The following SLC11A2 variants were observed in gnomAD, a reference collection of about 807,000 sequenced individuals.
SLC11A2 encodes the protein natural resistance-associated macrophage protein 2.
Under a neutral mutation model 68.0 loss-of-function variants are expected in SLC11A2, and 38 were observed. The observed-to-expected ratio is 0.56, with a 90% CI of 0.43 to 0.73. SLC11A2 has a LOEUF of 0.73. SLC11A2 is among the 30% of genes least tolerant of loss of function. The probability of loss-of-function intolerance (pLI) is 0.00; values close to 1 mark genes in which losing one functional copy is unlikely to be tolerated. For synonymous variants in SLC11A2, 242 were observed against 250.6 expected (o/e 0.97, Z 0.32); for missense variants, 517 against 690.5 (o/e 0.75, Z 2.82).
At position 50,986,629 on chromosome 12, in the gene SLC11A2, T is replaced by C. The variant is rs1388869024; in HGVS notation, c.*1696A>G. ...ACTGCAGCCAGGTGAGAGCTTAAGATGTCAGTCCCCAATATCTTCACAGAG... is the reference window on the plus strand; with the variant it reads ...ACTGCAGCCAGGTGAGAGCTTAAGACGTCAGTCCCCAATATCTTCACAGAG... On this transcript the variant is annotated 3_prime_UTR_variant, in exon 16 of 16. Transcript: ENST00000262052. 1 of 1,286,940 alleles carries C rather than the reference T, an allele frequency of 7.8e-7. No individual in the cohort carries two copies. Among genetic ancestry groups the C allele is most frequent in the Non-Finnish European group, 1.0e-6 (1 of 988,610 alleles). The allele number at this position is 1,286,940 out of a possible 1,614,324, so 79.7% of individuals were successfully genotyped here.
intron 3 of SLC11A2, chr12:51,008,219 T>C (rs1321188253): frequency 2.3e-5 from 6 of 266,232 alleles, no homozygotes; most frequent in African/African-American, 8.8e-5. Context: ...AAAGATTAGA[T>C]AGACAGATAG....
intron 8 of SLC11A2, among the ~76,000 whole-genome samples, chr12:50,998,469 T>C (rs161046): frequency 0.91 from 138,580 of 152,290 alleles, 63,343 homozygotes; most frequent in East Asian, 0.98. Flanking sequence ...TTAAAAATCA[T>C]TTGCTGTTTG....
chr12:50,970,250 G>T, the SLC11A2 span, among the ~76,000 whole-genome samples: 5 of 152,166 alleles, frequency 3.3e-5, no homozygotes, highest in Admixed American at 6.5e-5. Flanking sequence ...ATTTGAAAGG[G>T]CTCCTAGAGT....
At position 51,004,882 on chromosome 12, in the gene SLC11A2, G is replaced by T; in HGVS notation, c.335C>A (p.Thr112Asn). The T allele has an allele frequency of 1.2e-6, 2 of 1,614,146 alleles. No individual in the cohort carries two copies. The highest frequency in any genetic ancestry group is 2.2e-5 in the South Asian group (2 of 91,086). Residue 112 changes from threonine (T) to asparagine (N), a missense_variant, in exon 5 of 16, where the codon ACC (threonine) becomes AAC (asparagine). Coordinates refer to ENST00000262052, the MANE Select transcript of SLC11A2 (RefSeq NM_000617.3). ...CCGCTGGAGCAGCAGCCCCACAAGG[G>T]TGGCCAACAGAAGGATCCAGAGCAA... ...FKLLWILLLATLVGLLLQRLA... is the reference protein window; with the variant it reads ...FKLLWILLLANLVGLLLQRLA...
At chr12:51,010,513 C>A (rs1386309980) in intron 2 of SLC11A2, among the ~76,000 whole-genome samples, 182 bp downstream of exon 2, 285 of 133,254 alleles carry the variant, frequency 2.1e-3, no homozygotes, top group Middle Eastern at 4.0e-3. Context: ...GACTCCACCT[C>A]AAAAAAAAAA....
chr12:50,999,428 T>A lies in SLC11A2; in HGVS notation c.537-13A>T, dbSNP rs1356095835. On this transcript the variant is annotated splice_polypyrimidine_tract_variant and intron_variant, in intron 6 of 15. Coordinates refer to ENST00000262052, the MANE Select transcript of SLC11A2 (RefSeq NM_000617.3). ...CCACAGAGGAATTCTAGGTCAGAGA[T>A]GAGATATGGAAGTCAGAGAGACGGA... The A allele has an allele frequency of 1.2e-6, 2 of 1,600,064 alleles. No individual in the cohort carries two copies. The highest frequency in any genetic ancestry group is 1.7e-5 in the Admixed American group (1 of 59,976).
chr12:50,956,826 T>C, the SLC11A2 span, among the ~76,000 whole-genome samples: 1 of 152,206 alleles, frequency 6.6e-6, no homozygotes, highest in African/African-American at 2.4e-5. Flanking sequence ...GGTTATTTCC[T>C]TGGAGTATGT....
chr12:51,027,415 C>G (rs186559791), upstream of SLC11A2, among the ~76,000 whole-genome samples: 3 of 151,988 alleles, frequency 2.0e-5, no homozygotes, highest in African/African-American at 4.8e-5. Flanking sequence ...GCTGCCCCAC[C>G]AAGAGCACCC....
intron 1 of SLC11A2, 83 bp downstream of exon 1, chr12:51,026,227 C>T: frequency 8.2e-7 from 1 of 1,220,906 alleles, no homozygotes. Context: ...AGCCTGACCC[C>T]CGACACAGGC....
At chr12:50,972,130 G>T in the SLC11A2 span, among the ~76,000 whole-genome samples, 1 of 152,192 alleles carries the variant, frequency 6.6e-6, no homozygotes, top group Non-Finnish European at 1.5e-5. Flanking sequence ...AGCTGGCATG[G>T]AAATAAGTCA....
At chr12:50,994,888 T>G (rs1302830289) in intron 10 of SLC11A2, 3 of 464,358 alleles carry the variant, frequency 6.5e-6, no homozygotes, top group Non-Finnish European at 1.2e-5. Flanking sequence ...CTGGGGTACT[T>G]TAAATGATGA....
chr12:51,019,644 CTTTTT>C (rs767266753), intron 1 of SLC11A2, among the ~76,000 whole-genome samples: 1 of 135,748 alleles, frequency 7.4e-6, no homozygotes, highest in Non-Finnish European at 1.6e-5. Context: ...ATCCATCCAA[CTTTTT>C]TTTTTTTTTT....
At chr12:50,961,170 C>G in the SLC11A2 span, 10,327 of 1,482,886 alleles carry the variant, frequency 7.0e-3, 43 homozygotes, top group Non-Finnish European at 8.5e-3. Context: ...TTTATTCATT[C>G]ATAGTAGAAG....
chr12:50,982,401 G>A (rs1342401505), downstream of SLC11A2, among the ~76,000 whole-genome samples: 3 of 152,106 alleles, frequency 2.0e-5, no homozygotes, highest in Non-Finnish European at 4.4e-5. Context: ...CAAGGTGGGC[G>A]GATCATGAGG....
chr12:50,955,082 A>T, the SLC11A2 span, among the ~76,000 whole-genome samples: 1 of 152,214 alleles, frequency 6.6e-6, no homozygotes, highest in Admixed American at 6.5e-5. Context: ...ACTTGAGGTC[A>T]GGAATTCAAG....
Position 50,999,379 on chromosome 12 carries a change from T to C in SLC11A2, c.573A>G (p.Ala191=). The C allele has an allele frequency of 6.2e-7, 1 of 1,613,950 alleles. No individual in the cohort carries two copies. Among genetic ancestry groups the C allele is most frequent in the Non-Finnish European group, 8.5e-7 (1 of 1,179,874 alleles). ...PLWGGVLITI[A]DTFVFLFLDK... ...CCAAGAAGAGAAATACAAAAGTATC[T>C]GCAATGGTGATGAGAACGCCACCCC... Residue 191 remains alanine, a synonymous_variant, in exon 7 of 16, where the codon GCA becomes GCG. Coordinates refer to ENST00000262052, the MANE Select transcript of SLC11A2 (RefSeq NM_000617.3).
rs1463955145 is a variant in SLC11A2 at position 50,994,555 on chromosome 12, T to C, written c.1066A>G (p.Ile356Val). The C allele has an allele frequency of 6.2e-7, 1 of 1,603,634 alleles. No homozygotes were observed. The highest frequency in any genetic ancestry group is 1.7e-5 in the Admixed American group (1 of 60,020). ...CCAAACATGCTTACCCCTTTGTAGA[T>C]GTCCACAGCCAGTGTCGAGTTATCT... ...PKDNSTLAVD[I>V]YKGGVVLGCY... The change falls in exon 11 of 16, where the codon ATC (isoleucine) becomes GTC (valine). Residue 356 changes from isoleucine to valine, a missense_variant. Transcript: ENST00000262052.
chr12:50,984,804 T>C (rs945631664), downstream of SLC11A2, among the ~76,000 whole-genome samples: 1 of 152,198 alleles, frequency 6.6e-6, no homozygotes, highest in South Asian at 2.1e-4. Context: ...GCCTAATGCA[T>C]ATTCTAGCAC....
downstream of SLC11A2, chr12:50,981,536 G>T: frequency 1.8e-6 from 1 of 544,710 alleles, no homozygotes; most frequent in Non-Finnish European, 3.4e-6. Context: ...TGACTGTTAT[G>T]AGGTGGGTGG....
Sources: gnomAD v4.1 joint callset for allele counts (sites outside exome capture counted in the v4.1 genomes callset) on GRCh38, gnomAD v4.1.1 for gene constraint, MANE v1.5 for transcripts, NCBI Gene and HGNC (gene_info 2026-07-23, HGNC 2026-07-21) for gene names.